IKZF3: variants seen among roughly 807,000 people sequenced by gnomAD.
IKZF3 encodes IKAROS family zinc finger 3.
A neutral mutation model predicts 49.0 loss-of-function variants in IKZF3; 10 were observed. That is an observed-to-expected ratio of 0.20 (90% CI 0.13 to 0.35). The LOEUF is 0.35. Ranked by LOEUF, IKZF3 falls within the 10% of genes least tolerant of loss-of-function variation. The pLI is 1.00. For synonymous variants in IKZF3, 209 were observed against 228.2 expected (o/e 0.92, Z 0.76); for missense variants, 498 against 664.8 (o/e 0.75, Z 2.76).
intron 1 of IKZF3, among the ~76,000 whole-genome samples, chr17:39,839,130 C>T (rs1598168647): frequency 6.6e-6 from 1 of 151,850 alleles, no homozygotes; most frequent in South Asian, 2.1e-4. Flanking sequence ...CATGCCCAGT[C>T]CTTTTTGTTT....
At chr17:39,799,646 T>C (rs1337890911) in intron 3 of IKZF3, among the ~76,000 whole-genome samples, 2 of 152,222 alleles carry the variant, frequency 1.3e-5, no homozygotes, top group Non-Finnish European at 1.5e-5. Context: ...AACAAGATCC[T>C]CAAGGATTCT....
At chr17:39,852,590 CA>C (rs1223758230) in intron 1 of IKZF3, among the ~76,000 whole-genome samples, 7 of 152,116 alleles carry the variant, frequency 4.6e-5, no homozygotes, top group Admixed American at 1.3e-4. Flanking sequence ...TCTACCTGAC[CA>C]AATGAGGTAT....
chr17:39,827,418 T>C (rs1409706427), intron 3 of IKZF3, among the ~76,000 whole-genome samples: 1 of 151,914 alleles, frequency 6.6e-6, no homozygotes, highest in Non-Finnish European at 1.5e-5. Flanking sequence ...CTTAGCCTCC[T>C]GAGTAGCTGG....
At chr17:39,829,253 G>T in intron 3 of IKZF3, 134 bp downstream of exon 3, 2 of 589,998 alleles carry the variant, frequency 3.4e-6, no homozygotes, top group Non-Finnish European at 3.0e-6. Context: ...AAATATTTGT[G>T]AAATTAACAA....
chr17:39,829,813 A>T (rs1305512697), intron 2 of IKZF3, among the ~76,000 whole-genome samples: 1 of 152,148 alleles, frequency 6.6e-6, no homozygotes, highest in East Asian at 1.9e-4. Flanking sequence ...TTAGTTGGGC[A>T]TGGCGGTGCA....
At chr17:39,792,309 C>A (rs562320645) in intron 4 of IKZF3, among the ~76,000 whole-genome samples, 4 of 152,166 alleles carry the variant, frequency 2.6e-5, no homozygotes, top group African/African-American at 9.6e-5. Flanking sequence ...CAAATTTGAA[C>A]CCAATACAAT....
Position 39,850,452 on chromosome 17 carries a change from T to C in IKZF3, c.7+13668A>G, listed in dbSNP as rs1171649058. ...GTATATATAATATATAGTATAAATA[T>C]ATAGCATATTATACATGTACATATA... On this transcript the variant is annotated intron_variant, in intron 1 of 7. Transcript: ENST00000346872. Among the ~76,000 whole-genome samples the C allele has an allele frequency of 1.1e-4, 14 of 133,016 alleles. 1 individual carries two copies. In the East Asian group the frequency reaches 2.9e-3, roughly 28 times the overall value. The allele number at this position is 133,016 out of a possible 152,430, so 87.3% of individuals were successfully genotyped here.
intron 1 of IKZF3, chr17:39,835,040 A>G: frequency 2.4e-6 from 1 of 410,346 alleles, no homozygotes; most frequent in Non-Finnish European, 4.7e-6. Flanking sequence ...CCACAGCCCT[A>G]GAGAAGCAGG....
At chr17:39,785,241 T>G (rs1377129468) in intron 6 of IKZF3, among the ~76,000 whole-genome samples, 1 of 152,176 alleles carries the variant, frequency 6.6e-6, no homozygotes, top group African/African-American at 2.4e-5. Context: ...TTATAGGAAC[T>G]ATTTGAAATA....
chr17:39,804,245 G>A (rs1444775745), intron 3 of IKZF3, among the ~76,000 whole-genome samples: 1 of 152,090 alleles, frequency 6.6e-6, no homozygotes, highest in South Asian at 2.1e-4. Flanking sequence ...CCAGCAGTTC[G>A]AGACCAGCCT....
chr17:39,864,204 G>GC lies in IKZF3; in HGVS notation c.-79dup. ...GTGCTCCTGCCGTCGCCTGGACTCA[G>GC]CGCGCAGCTGGCGGGAGATTCCCGG... On this transcript the variant is annotated 5_prime_UTR_variant, in exon 1 of 8. Transcript: ENST00000346872. 4 of 1,527,766 alleles carry GC rather than the reference G, an allele frequency of 2.6e-6. No individual in the cohort carries two copies. Among genetic ancestry groups the GC allele is most frequent in the Non-Finnish European group, 3.5e-6 (4 of 1,127,126 alleles). The allele number at this position is 1,527,766 out of a possible 1,614,324, so 94.6% of individuals were successfully genotyped here.
intron 1 of IKZF3, among the ~76,000 whole-genome samples, chr17:39,849,342 T>A (rs9916765): frequency 7.9e-6 from 1 of 126,712 alleles, no homozygotes; most frequent in East Asian, 2.3e-4. Flanking sequence ...AAAATCAGTA[T>A]GAAAAAAGAC....
At chr17:39,779,545 G>A (rs1212805360) in intron 6 of IKZF3, among the ~76,000 whole-genome samples, 1 of 152,016 alleles carries the variant, frequency 6.6e-6, no homozygotes, top group East Asian at 1.9e-4. Context: ...AACACATGAT[G>A]CTAGCCTGAA....
intron 2 of IKZF3, 58 bp downstream of exon 2, chr17:39,832,040 C>A: frequency 1.6e-6 from 2 of 1,272,290 alleles, no homozygotes; most frequent in Admixed American, 1.8e-5. Flanking sequence ...ACATTCCTCT[C>A]TCTTTGGTAT....
At chr17:39,839,101 G>T (rs2062389735) in intron 1 of IKZF3, among the ~76,000 whole-genome samples, 1 of 151,622 alleles carries the variant, frequency 6.6e-6, no homozygotes, top group South Asian at 2.1e-4. Context: ...AAAGAGCTGG[G>T]ATTATAGGCA....
At chr17:39,828,583 G>T (rs2062019761) in intron 3 of IKZF3, among the ~76,000 whole-genome samples, 1 of 152,206 alleles carries the variant, frequency 6.6e-6, no homozygotes, top group African/African-American at 2.4e-5. Flanking sequence ...CAAAAGTGCA[G>T]GTAACCTGGG....
intron 3 of IKZF3, among the ~76,000 whole-genome samples, chr17:39,802,519 T>C (rs888582502): frequency 6.6e-6 from 1 of 151,034 alleles, no homozygotes; most frequent in African/African-American, 2.4e-5. Context: ...AGGCAGGAGA[T>C]TCCCTTGAAC....
intron 2 of IKZF3, among the ~76,000 whole-genome samples, chr17:39,830,632 T>C (rs947721726): frequency 6.6e-6 from 1 of 151,736 alleles, no homozygotes; most frequent in Non-Finnish European, 1.5e-5. Context: ...CATAGTAGCT[T>C]AACAAAAAGA....
chr17:39,858,800 A>AT (rs995693503), intron 1 of IKZF3, among the ~76,000 whole-genome samples: 6 of 148,702 alleles, frequency 4.0e-5, no homozygotes, highest in Non-Finnish European at 7.4e-5. Context: ...TTGGACTTAC[A>AT]TTTTTTGTTG....
Sources: gnomAD v4.1 joint callset for allele counts (sites outside exome capture counted in the v4.1 genomes callset) on GRCh38, gnomAD v4.1.1 for gene constraint, MANE v1.5 for transcripts, NCBI Gene and HGNC (gene_info 2026-07-23, HGNC 2026-07-21) for gene names.